The following EAPP variants were observed in gnomAD, a reference collection of about 807,000 sequenced individuals.
The protein encoded by EAPP is E2F-associated phosphoprotein.
EAPP carries 38 observed loss-of-function variants against 34.3 expected under a neutral mutation model. That is an observed-to-expected ratio of 1.11 (90% CI 0.85 to 1.45). The LOEUF (loss-of-function observed/expected upper bound fraction) is 1.45, where lower values mean the gene tolerates loss of function less well. Ranked by LOEUF, EAPP falls within the 40% of genes most tolerant of loss-of-function variation. EAPP has a pLI of 0.00. For synonymous variants in EAPP, 113 were observed against 117.6 expected, an observed-to-expected ratio of 0.96 and a Z score of 0.25; for missense variants, 338 against 343.7, an observed-to-expected ratio of 0.98 and a Z score of 0.13.
rs1276112167 is a variant in EAPP at position 34,533,428 on chromosome 14, T to A, written c.352+16A>T. 2 of 1,574,438 alleles carry A rather than the reference T, an allele frequency of 1.3e-6. No homozygotes were observed. The highest frequency in any genetic ancestry group is 2.7e-5 in the African/African-American group (2 of 74,042). On this transcript the variant is annotated intron_variant, in intron 3 of 5. Coordinates refer to ENST00000250454, the MANE Select transcript of EAPP (RefSeq NM_018453.4). Reference sequence around the variant, plus strand: ...TATAAAATATAACTGCTAAACCTGGTAAATAGGTTACTTACCTGCTCTGTC... The same window carrying A: ...TATAAAATATAACTGCTAAACCTGGAAAATAGGTTACTTACCTGCTCTGTC...
At chr14:34,538,837 T>G (rs12050290) in intron 1 of EAPP, among the ~76,000 whole-genome samples, 57,029 of 152,132 alleles carry the variant, frequency 0.37, 12,422 homozygotes, top group East Asian at 0.68. Context: ...TGGAAATATC[T>G]CGGCAAAACA....
chr14:34,530,904 C>CAA lies in EAPP; in HGVS notation c.353-1431_353-1430dup, dbSNP rs780101001. Among the ~76,000 whole-genome samples the CAA allele has an allele frequency of 9.1e-3, 503 of 55,110 alleles. 2 individuals carry two copies. Among genetic ancestry groups the CAA allele is most frequent in the Middle Eastern group, 0.016 (1 of 64 alleles). The allele number at this position is 55,110 out of a possible 152,430, so 36.2% of individuals were successfully genotyped here. Reference sequence around the variant, plus strand: ...CAACAAAGCAAGACCCAATCTTTACCAAAAAAAAAAAAAAAAAAAAAAGAA... The same window carrying CAA: ...CAACAAAGCAAGACCCAATCTTTACCAAAAAAAAAAAAAAAAAAAAAAAAGAA... On this transcript the variant is annotated intron_variant, in intron 3 of 5. Transcript: ENST00000250454.
chr14:34,516,653 A>G (rs1456508764), intron 5 of EAPP, 67 bp from the exon 6 acceptor site: 23 of 1,483,848 alleles, frequency 1.6e-5, no homozygotes, highest in Non-Finnish European at 2.7e-6. Context: ...CATTTAGATA[A>G]AATTTGAGAA....
Position 34,516,512 on chromosome 14 carries a change from C to G in EAPP, c.656G>C (p.Arg219Thr). ...NCSINKEEVLRYKASENRKKR... is the reference protein window; with the variant it reads ...NCSINKEEVLTYKASENRKKR... Reference sequence around the variant, plus strand: ...CTTCCTGTTCTCTGAGGCTTTATATCTTAGAACCTCCTCTTTGTTAATAGA... The same window carrying G: ...CTTCCTGTTCTCTGAGGCTTTATATGTTAGAACCTCCTCTTTGTTAATAGA... The change falls in exon 6 of 6, where the codon AGA becomes ACA. Residue 219 changes from arginine (R) to threonine (T), a missense_variant. Physicochemically the swap from Arg to Thr is moderately conservative, Grantham distance 71. Transcript: ENST00000250454. 1 of 1,614,088 alleles carries G rather than the reference C, an allele frequency of 6.2e-7. No individual in the cohort carries two copies. The highest frequency in any genetic ancestry group is 8.5e-7 in the Non-Finnish European group (1 of 1,179,992).
intron 3 of EAPP, among the ~76,000 whole-genome samples, chr14:34,532,325 G>A (rs1046462700): frequency 2.0e-5 from 3 of 151,926 alleles, no homozygotes; most frequent in Non-Finnish European, 4.4e-5. Context: ...CAGGCATGGC[G>A]ACAGGCGTCT....
At position 34,516,376 on chromosome 14, in the gene EAPP, A is replaced by G. The variant is rs1214436580; in HGVS notation, c.792T>C (p.Thr264=). 3.7e-6 allele frequency: 6 copies of G among 1,614,164 alleles called. No individual in the cohort carries two copies. In the South Asian group the frequency reaches 5.5e-5, roughly 15 times the overall value. ...CATCCTTGTCGTAGACTGCCACTTC[A>G]GTGGAACATTCAGTGCACATGACTG... ...YHPVMCTECS[T]EVAVYDKDEV... The change falls in exon 6 of 6, where the codon ACT becomes ACC. Residue 264 remains threonine, a synonymous_variant. Coordinates refer to ENST00000250454, the MANE Select transcript of EAPP (RefSeq NM_018453.4).
chr14:34,523,378 C>T lies in EAPP; in HGVS notation c.581+1319G>A, dbSNP rs560877381. 3.9e-5 allele frequency among the ~76,000 whole-genome samples: 6 copies of T among 151,926 alleles called. No individual in the cohort carries two copies. In the South Asian group the frequency reaches 1.2e-3, roughly 32 times the overall value. ...TCAGCCTCCGGAGTAGCTGGGACTACAGGCGCCCGCCACCATGCCCGGCTA... is the reference window on the plus strand; with the variant it reads ...TCAGCCTCCGGAGTAGCTGGGACTATAGGCGCCCGCCACCATGCCCGGCTA... On this transcript the variant is annotated intron_variant, in intron 5 of 5. Transcript: ENST00000250454.
At chr14:34,517,335 G>GC (rs1175918775) in intron 5 of EAPP, among the ~76,000 whole-genome samples, 2 of 145,174 alleles carry the variant, frequency 1.4e-5, no homozygotes, top group African/African-American at 2.6e-5. Flanking sequence ...CACAACCTCT[G>GC]CCCCCCGGGT....
chr14:34,529,552 C>A, intron 3 of EAPP, 77 bp from the exon 4 acceptor site: 1 of 1,057,002 alleles, frequency 9.5e-7, no homozygotes, highest in Non-Finnish European at 1.4e-6. Flanking sequence ...AGTCTCATTT[C>A]CCAAGCTACA....
In EAPP at chr14:34,517,448, T is replaced by C. The variant is rs528303994; in HGVS notation, c.582-862A>G. ...TTTTTTAGTAGAGACAGGGTTTCAC[T>C]ATGTTGGTCAGTTTCATCTTGAACT... On this transcript the variant is annotated intron_variant, in intron 5 of 5. Coordinates refer to ENST00000250454, the MANE Select transcript of EAPP (RefSeq NM_018453.4). 4.0e-5 allele frequency among the ~76,000 whole-genome samples: 6 copies of C among 151,344 alleles called. No homozygotes were observed. The South Asian group carries it at 1.3e-3, about 32-fold the overall frequency.
chr14:34,534,428 G>A (rs1395724721), intron 2 of EAPP, among the ~76,000 whole-genome samples: 4 of 151,942 alleles, frequency 2.6e-5, no homozygotes, highest in African/African-American at 4.8e-5. Flanking sequence ...CACTGCACCC[G>A]GCAGAAGAGT....
chr14:34,534,257 C>T (rs1880390353), intron 2 of EAPP, among the ~76,000 whole-genome samples: 1 of 151,872 alleles, frequency 6.6e-6, no homozygotes, highest in East Asian at 1.9e-4. Context: ...CTGACCTTCC[C>T]GAGTAGCTGG....
chr14:34,526,650 C>G (rs1813854619), intron 4 of EAPP, among the ~76,000 whole-genome samples: 1 of 151,418 alleles, frequency 6.6e-6, no homozygotes, highest in South Asian at 2.1e-4. Flanking sequence ...CTTAAGGAGG[C>G]CAAGGTAGGA....
At chr14:34,538,833 T>C (rs1003612352) in intron 1 of EAPP, among the ~76,000 whole-genome samples, 1 of 152,216 alleles carries the variant, frequency 6.6e-6, no homozygotes, top group Non-Finnish European at 1.5e-5. Flanking sequence ...TGTGTGGAAA[T>C]ATCTCGGCAA....
At chr14:34,517,160 G>A (rs965687932) in intron 5 of EAPP, among the ~76,000 whole-genome samples, 3 of 151,522 alleles carry the variant, frequency 2.0e-5, no homozygotes, top group East Asian at 1.9e-4. Context: ...GGATGGTCTC[G>A]ATCTTCTGAC....
In EAPP at chr14:34,531,802, C is replaced by T. The variant is rs149372665; in HGVS notation, c.352+1642G>A. Among the ~76,000 whole-genome samples, 314 of 152,042 alleles carry T rather than the reference C, an allele frequency of 2.1e-3. 14 individuals are homozygous for T. In the East Asian group the frequency reaches 0.052, roughly 25 times the overall value. On this transcript the variant is annotated intron_variant, in intron 3 of 5. Transcript: ENST00000250454. ...ATAAAAATTCAATTTTCAGGCCGGG[C>T]ACAGTAGCTCACGCCTGTAATCCCA...
intron 1 of EAPP, among the ~76,000 whole-genome samples, chr14:34,536,993 A>G (rs1439974816): frequency 1.3e-5 from 2 of 151,828 alleles, no homozygotes; most frequent in Non-Finnish European, 2.9e-5. Flanking sequence ...ATCTCTCTGT[A>G]TTATTTCTTT....
intron 1 of EAPP, 61 bp downstream of exon 1, chr14:34,539,494 A>T: frequency 6.5e-7 from 1 of 1,548,050 alleles, no homozygotes. Context: ...CAACGAATGG[A>T]GGCGACCAAA....
At chr14:34,532,661 C>T (rs1880334904) in intron 3 of EAPP, among the ~76,000 whole-genome samples, 1 of 151,576 alleles carries the variant, frequency 6.6e-6, no homozygotes, top group South Asian at 2.1e-4. Flanking sequence ...TCCTCACATG[C>T]CTGTGTCCCC....
Sources: gnomAD v4.1 joint callset for allele counts (sites outside exome capture counted in the v4.1 genomes callset) on GRCh38, gnomAD v4.1.1 for gene constraint, MANE v1.5 for transcripts, NCBI Gene and HGNC (gene_info 2026-07-23, HGNC 2026-07-21) for gene names.